Variants in SCFD1 observed in about 807,000 individuals in gnomAD.
SCFD1 encodes sec1 family domain-containing protein 1.
A neutral mutation model predicts 103.2 loss-of-function variants in SCFD1; 37 were observed. That is an observed-to-expected ratio of 0.36 (90% CI 0.28 to 0.47). The LOEUF (loss-of-function observed/expected upper bound fraction) is 0.47. Ranked by LOEUF, SCFD1 falls within the 20% of genes least tolerant of loss-of-function variation. SCFD1 has a pLI of 1.00. For missense variants in SCFD1, 639 were observed against 761.2 expected (o/e 0.84, Z 1.89); for synonymous variants, 264 against 245.0 (o/e 1.08, Z -0.73).
upstream of SCFD1, chr14:30,622,297 C>A: frequency 6.3e-7 from 1 of 1,592,832 alleles, no homozygotes; most frequent in Non-Finnish European, 8.5e-7. Context: ...CGTCATCCCC[C>A]CGCTCCGCTC....
chr14:30,702,229 A>G, intron 16 of SCFD1, 67 bp from the exon 17 acceptor site: 1 of 1,055,584 alleles, frequency 9.5e-7, no homozygotes, highest in Non-Finnish European at 1.4e-6. Context: ...TAATTAATCA[A>G]ATGGCAACAA....
At chr14:30,651,950 A>G (rs1268842605) in intron 9 of SCFD1, among the ~76,000 whole-genome samples, 1 of 152,152 alleles carries the variant, frequency 6.6e-6, no homozygotes. Context: ...GCTGCTAAAC[A>G]TCCTATAATG....
At chr14:30,723,498 C>T (rs1486660399) in intron 23 of SCFD1, among the ~76,000 whole-genome samples, 5 of 152,178 alleles carry the variant, frequency 3.3e-5, no homozygotes, top group Admixed American at 1.3e-4. Context: ...TATTTCATCA[C>T]TCAGGTATTA....
chr14:30,696,145 A>G (rs955911119), intron 15 of SCFD1, among the ~76,000 whole-genome samples: 32 of 152,182 alleles, frequency 2.1e-4, no homozygotes, highest in African/African-American at 7.5e-4. Flanking sequence ...TTTTGGTATG[A>G]ATTTTAGACT....
rs537809701 is a variant in SCFD1, at chr14:30,712,958, A to ATAAG, written c.1630-2962_1630-2959dup. 1.5e-4 allele frequency among the ~76,000 whole-genome samples: 23 copies of ATAAG among 152,344 alleles called. 1 individual carries two copies. The South Asian group carries it at 4.3e-3, about 29-fold the overall frequency. On this transcript the variant is annotated intron_variant, in intron 19 of 24. Transcript: ENST00000458591. ...AGACTTTTTATGTTTCTAAAGACACATAAGTAACACTATTTGTTGAGCAAA... is the reference window on the plus strand; with the variant it reads ...AGACTTTTTATGTTTCTAAAGACACATAAGTAAGTAACACTATTTGTTGAGCAAA...
intron 11 of SCFD1, among the ~76,000 whole-genome samples, chr14:30,672,762 G>C (rs901043668): frequency 1.3e-5 from 2 of 152,172 alleles, no homozygotes; most frequent in Non-Finnish European, 2.9e-5. Flanking sequence ...TTTACCAGTA[G>C]TGTTCTGGGA....
intron 17 of SCFD1, among the ~76,000 whole-genome samples, chr14:30,703,910 C>CATATATATATATATAT (rs71443380): frequency 7.6e-5 from 3 of 39,548 alleles, no homozygotes; most frequent in Non-Finnish European, 1.9e-4. Context: ...GGAATATTTG[C>CATATATATATATATAT]ATATATATAT....
chr14:30,630,393 ATAAAAT>A (rs1883981920), intron 2 of SCFD1, 78 bp from the exon 3 acceptor site: 2 of 809,984 alleles, frequency 2.5e-6, no homozygotes, highest in African/African-American at 3.5e-5. Context: ...ATGTATTAAA[ATAAAAT>A]TTACTTCAAC....
intron 10 of SCFD1, among the ~76,000 whole-genome samples, chr14:30,661,736 A>G (rs889494366): frequency 1.3e-5 from 2 of 152,288 alleles, no homozygotes; most frequent in East Asian, 3.9e-4. Context: ...AGCATTTAGG[A>G]AGAGTAGAAA....
rs536848698 is a variant in SCFD1, at chr14:30,674,680, T to TA, written c.1161-303dup. Among the ~76,000 whole-genome samples the TA allele has an allele frequency of 4.1e-4, 63 of 152,146 alleles. No individual in the cohort carries two copies. The East Asian group carries it at 0.012, about 28-fold the overall frequency. On this transcript the variant is annotated intron_variant, in intron 13 of 24. Coordinates refer to ENST00000458591, the MANE Select transcript of SCFD1 (RefSeq NM_016106.4). ...GGAGGGAGGAAATGTGTTTTAGAAA[T>TA]ACAGATAACGCATGTTTCCATTAAT...
At chr14:30,702,397 A>G (rs1364620800) in intron 17 of SCFD1, 22 bp downstream of exon 17, 2 of 1,422,890 alleles carry the variant, frequency 1.4e-6, no homozygotes. Flanking sequence ...TTTCTTCTTT[A>G]ATTCCTGTCA....
In SCFD1 at chr14:30,681,214, C is replaced by G. The variant is rs189511163; in HGVS notation, c.1242+6149C>G. On this transcript the variant is annotated intron_variant, in intron 14 of 24. Coordinates refer to ENST00000458591, the MANE Select transcript of SCFD1 (RefSeq NM_016106.4). ...CCAGCCTGAGTGACAGAGTGAGACT[C>G]TGTCTCAAAAAAAAAAAAAAAGCGC... Among the ~76,000 whole-genome samples, 538 of 133,456 alleles carry G rather than the reference C, an allele frequency of 4.0e-3. 6 individuals carry two copies. The highest frequency in any genetic ancestry group is 0.014 in the African/African-American group (508 of 35,636). 87.6% of individuals were successfully genotyped at this position (133,456 alleles called of 152,430 possible). A position where few individuals can be genotyped will look rare whatever the true frequency, so the allele number is the denominator to read the frequency against.
At chr14:30,682,581 G>T (rs1041922745) in intron 14 of SCFD1, among the ~76,000 whole-genome samples, 1 of 152,176 alleles carries the variant, frequency 6.6e-6, no homozygotes, top group Non-Finnish European at 1.5e-5. Flanking sequence ...GAGAATTCCA[G>T]TTATCTTGCA....
intron 6 of SCFD1, among the ~76,000 whole-genome samples, chr14:30,642,489 C>T (rs892068355): frequency 6.6e-6 from 1 of 152,154 alleles, no homozygotes; most frequent in Non-Finnish European, 1.5e-5. Flanking sequence ...GAGAATTTTT[C>T]CCCATATTCC....
chr14:30,666,798 C>A (rs1161350200), intron 10 of SCFD1, among the ~76,000 whole-genome samples: 1 of 152,156 alleles, frequency 6.6e-6, no homozygotes, highest in African/African-American at 2.4e-5. Flanking sequence ...ACTAGAAAAT[C>A]TAGAAGAAAT....
chr14:30,641,403 A>G (rs549975522), intron 6 of SCFD1, among the ~76,000 whole-genome samples: 41 of 152,196 alleles, frequency 2.7e-4, no homozygotes, highest in Non-Finnish European at 5.3e-4. Context: ...GGTCATAAAC[A>G]TAAAAGTTAG....
intron 14 of SCFD1, among the ~76,000 whole-genome samples, chr14:30,682,478 C>T (rs1309370335): frequency 2.0e-5 from 3 of 152,126 alleles, no homozygotes; most frequent in African/African-American, 7.2e-5. Context: ...GTGGCAAACC[C>T]ACCGGTATGA....
rs1027223877 is a variant in SCFD1 at position 30,634,786 on chromosome 14, C to T, written c.312+749C>T. The T allele has an allele frequency of 1.2e-4, 55 of 455,768 alleles. 1 individual carries two copies. Among genetic ancestry groups the T allele is most frequent in the Admixed American group, 9.6e-4 (41 of 42,526 alleles). 28.2% of individuals were successfully genotyped at this position (455,768 alleles called of 1,614,324 possible). A position where few individuals can be genotyped will look rare whatever the true frequency, so the allele number is the denominator to read the frequency against. On this transcript the variant is annotated intron_variant, in intron 4 of 24. Transcript: ENST00000458591. ...GTTTTCCTTGTCTTGCTTGTCGCTG[C>T]GCCTGTAGGCATCAAATCTATGTTC...
chr14:30,713,219 C>T (rs1892017536), intron 19 of SCFD1, among the ~76,000 whole-genome samples: 1 of 152,068 alleles, frequency 6.6e-6, no homozygotes, highest in African/African-American at 2.4e-5. Context: ...GTACTCTTTC[C>T]TACGTTTTAA....
Sources: gnomAD v4.1 joint callset for allele counts (sites outside exome capture counted in the v4.1 genomes callset) on GRCh38, gnomAD v4.1.1 for gene constraint, MANE v1.5 for transcripts, NCBI Gene and HGNC (gene_info 2026-07-23, HGNC 2026-07-21) for gene names.